CHI3L1: variants seen among roughly 807,000 people sequenced by gnomAD.
CHI3L1 encodes chitinase 3 like 1.
A neutral mutation model predicts 40.7 loss-of-function variants in CHI3L1; 30 were observed. The observed-to-expected ratio is 0.74, with a 90% CI of 0.55 to 1.00. The LOEUF is 1.00. Among genes scored for constraint, CHI3L1 ranks in the 50% least tolerant of loss-of-function variants. CHI3L1 has a pLI of 0.00. For missense variants in CHI3L1, 493 were observed against 492.2 expected (o/e 1.00, Z -0.01); for synonymous variants, 210 against 192.1 (o/e 1.09, Z -0.77).
intron 8 of CHI3L1, chr1:203,180,131 G>T: frequency 1.7e-6 from 1 of 573,990 alleles, no homozygotes; most frequent in South Asian, 2.1e-5. Context: ...GGTTGACACT[G>T]AGGACAGGCC....
At chr1:203,186,544 G>A (rs1272350670) in intron 1 of CHI3L1, 55 bp downstream of exon 1, 6 of 1,610,528 alleles carry the variant, frequency 3.7e-6, no homozygotes, top group Admixed American at 3.3e-5. Context: ...TCTGCGGGCT[G>A]TCTGGGCCTG....
At chr1:203,184,547 C>T (rs201823056) in intron 4 of CHI3L1, 29 bp downstream of exon 4, 349 of 1,591,970 alleles carry the variant, frequency 2.2e-4, no homozygotes, top group Non-Finnish European at 2.8e-4. Flanking sequence ...TCATCCTCTG[C>T]CGTCCTGCCC....
At chr1:203,185,089 G>T in intron 3 of CHI3L1, 95 bp downstream of exon 3, 1 of 990,706 alleles carries the variant, frequency 1.0e-6, no homozygotes, top group Non-Finnish European at 1.6e-6. Context: ...ACATAGGTGA[G>T]CAGGGTGGGG....
In CHI3L1 at chr1:203,179,484, A is replaced by G. The variant is rs1655881252; in HGVS notation, c.1113T>C (p.Pro371=). 2 of 1,561,890 alleles carry G rather than the reference A, an allele frequency of 1.3e-6. No individual in the cohort carries two copies. The highest frequency in any genetic ancestry group is 1.7e-6 in the Non-Finnish European group (2 of 1,152,766). Residue 371 remains proline, a synonymous_variant, in exon 10 of 10, where the codon CCT becomes CCC. Transcript: ENST00000255409. ...GTGCATCCTTGATGGCATTGGTGAGAGGGAAGCGCAGATCCTGGCCACAGA... is the reference window on the plus strand; with the variant it reads ...GTGCATCCTTGATGGCATTGGTGAGGGGGAAGCGCAGATCCTGGCCACAGA... ...GSFCGQDLRF[P]LTNAIKDALA...
At chr1:203,180,375 C>T (rs1655907986) in intron 8 of CHI3L1, 95 bp downstream of exon 8, 1 of 1,191,818 alleles carries the variant, frequency 8.4e-7, no homozygotes. Context: ...TTTCTTTATT[C>T]CCAAAGGAGA....
chr1:203,185,524 T>C (rs111652362), intron 2 of CHI3L1, 139 bp from the exon 3 acceptor site: 2 of 689,472 alleles, frequency 2.9e-6, no homozygotes, highest in African/African-American at 1.8e-5. Context: ...TCAGAATTCT[T>C]AAATGAAAGG....
rs764778624 is a variant in CHI3L1, at chr1:203,180,620, C to T, written c.744G>A (p.Gly248=). 6 of 1,612,346 alleles carry T rather than the reference C, an allele frequency of 3.7e-6. No homozygotes were observed. The highest frequency in any genetic ancestry group is 2.2e-5 in the East Asian group (1 of 44,772). Residue 248 remains glycine, a synonymous_variant, in exon 8 of 10, where the codon GGG becomes GGA. Coordinates refer to ENST00000255409, the MANE Select transcript of CHI3L1 (RefSeq NM_001276.4). ...DYAVGYMLRL[G]APASKLVMGI... The stretch of plus-strand genomic sequence containing the variant: ...CCATCACCAGCTTACTGGCAGGAGC[C>T]CCCAGCCTCAACATGTACCCCACAG...
Position 203,184,626 on chromosome 1 carries a change from G to C in CHI3L1, c.264C>G (p.Pro88=). ...CGACAGACAAGAGAGTCTTCAGGTTGGGGTTCCTGTGGAGCACAGGGAGGT... is the reference window on the plus strand; with the variant it reads ...CGACAGACAAGAGAGTCTTCAGGTTCGGGTTCCTGTGGAGCACAGGGAGGT... ...GMLNTLKNRN[P]NLKTLLSVGG... is the part of the protein sequence containing the mutation. The change falls in exon 4 of 10, where the codon CCC becomes CCG. Residue 88 remains proline (P), a synonymous_variant. Transcript: ENST00000255409. The C allele has an allele frequency of 6.2e-7, 1 of 1,614,016 alleles. No homozygotes were observed. The highest frequency in any genetic ancestry group is 8.5e-7 in the Non-Finnish European group (1 of 1,179,894).
In CHI3L1 at chr1:203,183,760, G is replaced by A. The variant is rs199779694; in HGVS notation, c.346C>T (p.Arg116Cys). 2.4e-5 allele frequency: 39 copies of A among 1,614,086 alleles called. No individual in the cohort carries two copies. The highest frequency in any genetic ancestry group is 1.6e-4 in the Middle Eastern group (1 of 6,084). Residue 116 changes from arginine to cysteine, a missense_variant, in exon 5 of 10, where the codon CGC becomes TGC. By Grantham distance (180) the Arg-to-Cys change is radical. Transcript: ENST00000255409. ...GGTACTGACTTGATGAAAGTCCGGC[G>A]ACTCTGGGTGTTGGAGGCTATCTTG... ...FSKIASNTQS[R>C]RTFIKSVPPF...
intron 8 of CHI3L1, chr1:203,180,095 A>C: frequency 1.7e-6 from 1 of 588,136 alleles, no homozygotes; most frequent in South Asian, 2.0e-5. Context: ...AGCTTCTTCC[A>C]TTTAAACAGA....
chr1:203,179,394 C>T lies in CHI3L1; in HGVS notation c.*51G>A, dbSNP rs745661413. On this transcript the variant is annotated 3_prime_UTR_variant, in exon 10 of 10. Transcript: ENST00000255409. ...GATCAGGCTCCCGGCCAGCTGGAGC[C>T]AGAGGGGGACGGGGCATCCTTGGCC... is the stretch of plus-strand genomic sequence containing the variant. 10 of 1,486,762 alleles carry T rather than the reference C, an allele frequency of 6.7e-6. No homozygotes were observed. Among genetic ancestry groups the T allele is most frequent in the African/African-American group, 1.4e-5 (1 of 71,026 alleles). 92.1% of individuals were successfully genotyped at this position (1,486,762 alleles called of 1,614,324 possible).
At chr1:203,183,143 T>G (rs1221124872) in intron 5 of CHI3L1, among the ~76,000 whole-genome samples, 2 of 152,218 alleles carry the variant, frequency 1.3e-5, no homozygotes, top group Non-Finnish European at 2.9e-5. Flanking sequence ...GGCCCACAGA[T>G]GACTTTGGGA....
chr1:203,180,554 A>T lies in CHI3L1; in HGVS notation c.810T>A (p.Ser270=). 1 of 1,611,050 alleles carries T rather than the reference A, an allele frequency of 6.2e-7. No homozygotes were observed. Among genetic ancestry groups the T allele is most frequent in the Non-Finnish European group, 8.5e-7 (1 of 1,179,118 alleles). ...TFGRSFTLAS[S]ETGVGAPISG... is the part of the protein sequence containing the mutation. Reference sequence around the variant, plus strand: ...AGATTGGGGCTCCAACACCAGTCTCAGAAGAAGCCAGAGTGAAGCTCCTCC... The same window carrying T: ...AGATTGGGGCTCCAACACCAGTCTCTGAAGAAGCCAGAGTGAAGCTCCTCC... Residue 270 remains serine (S), a synonymous_variant, in exon 8 of 10, where the codon TCT becomes TCA. Coordinates refer to ENST00000255409, the MANE Select transcript of CHI3L1 (RefSeq NM_001276.4).
rs147953761 is a variant in CHI3L1, at chr1:203,181,236, G to T, written c.637C>A (p.Arg213Ser). The T allele has an allele frequency of 1.2e-6, 2 of 1,613,864 alleles. No individual in the cohort carries two copies. The highest frequency in any genetic ancestry group is 1.7e-6 in the Non-Finnish European group (2 of 1,179,912). Residue 213 changes from arginine to serine, a missense_variant, in exon 7 of 10, where the codon CGT (arginine) becomes AGT (serine). By Grantham distance (110) the Arg-to-Ser change is moderately radical (BLOSUM62 -1). Coordinates refer to ENST00000255409, the MANE Select transcript of CHI3L1 (RefSeq NM_001276.4). The part of the protein sequence containing the change: ...IMTYDFHGAW[R>S]GTTGHHSPLF... ...GGACTGTGATGGCCTGTGGTCCCAC[G>T]CCAGGCTCCATGAAAATCGTAGGTC...
rs114478844 is a variant in CHI3L1 at position 203,185,251 on chromosome 1, C to T, written c.190G>A (p.Asp64Asn). 6.0e-4 allele frequency: 968 copies of T among 1,614,126 alleles called. 7 individuals are homozygous for T. In the African/African-American group the frequency reaches 6.2e-3, roughly 10 times the overall value. Residue 64 changes from aspartate to asparagine, a missense_variant, in exon 3 of 10, where the codon GAT becomes AAT. Transcript: ENST00000255409. ...TTCCACTCCCAGGTGTCGATGTGAT[C>T]GTTGCTTATATTGGCAAAGCTGTAG... The part of the protein sequence containing the change: ...IIYSFANISN[D>N]HIDTWEWNDV...
chr1:203,183,734 C>T lies in CHI3L1; in HGVS notation c.372G>A (p.Pro124=), dbSNP rs756775296. Residue 124 remains proline (P), a synonymous_variant, in exon 5 of 10, where the codon CCG becomes CCA. Coordinates refer to ENST00000255409, the MANE Select transcript of CHI3L1 (RefSeq NM_001276.4). ...CAAAGCCATGGGTGCGCAGAAATGG[C>T]GGTACTGACTTGATGAAAGTCCGGC... ...QSRRTFIKSV[P]PFLRTHGFDG... is the part of the protein sequence containing the mutation. The T allele has an allele frequency of 8.7e-6, 14 of 1,614,184 alleles. No homozygotes were observed. The highest frequency in any genetic ancestry group is 3.3e-5 in the Admixed American group (2 of 60,030).
chr1:203,179,890 CAG>C lies in CHI3L1; in HGVS notation c.895-15_895-14del. On this transcript the variant is annotated splice_polypyrimidine_tract_variant and intron_variant, in intron 8 of 9. Transcript: ENST00000255409. ...GGAAGTCACAGATCTGAGCAGATAACAGGGAAAAGGCAGTGTGGGGAGTCGTG... is the reference window on the plus strand; with the variant it reads ...GGAAGTCACAGATCTGAGCAGATAACGGAAAAGGCAGTGTGGGGAGTCGTG... 1 of 1,613,036 alleles carries C rather than the reference CAG, an allele frequency of 6.2e-7. No individual in the cohort carries two copies. Among genetic ancestry groups the C allele is most frequent in the Non-Finnish European group, 8.5e-7 (1 of 1,179,116 alleles).
chr1:203,182,611 A>G, intron 6 of CHI3L1, 120 bp downstream of exon 6: 1 of 1,152,956 alleles, frequency 8.7e-7, no homozygotes, highest in Non-Finnish European at 1.3e-6. Flanking sequence ...AAGGCTTTGG[A>G]AGAACTGGGA....
Position 203,181,184 on chromosome 1 carries a change from C to T in CHI3L1, c.689G>A (p.Ser230Asn), listed in dbSNP as rs144986782. 137 of 1,614,078 alleles carry T rather than the reference C, an allele frequency of 8.5e-5. 1 individual carries two copies. The highest frequency in any genetic ancestry group is 3.3e-4 in the Middle Eastern group (2 of 6,084). ...CACAGTGTTGCTGAATCTGTCAGGA[C>T]TTGCATCCTCCTGACCTCGGAACAG... The part of the protein sequence containing the change: ...SPLFRGQEDA[S>N]PDRFSNTDYA... The change falls in exon 7 of 10, where the codon AGT becomes AAT. Residue 230 changes from serine (S) to asparagine (N), a missense_variant. Ser to Asn is a conservative substitution (Grantham distance 46). Coordinates refer to ENST00000255409, the MANE Select transcript of CHI3L1 (RefSeq NM_001276.4).
Sources: gnomAD v4.1 joint callset for allele counts (sites outside exome capture counted in the v4.1 genomes callset) on GRCh38, gnomAD v4.1.1 for gene constraint, MANE v1.5 for transcripts, NCBI Gene and HGNC (gene_info 2026-07-23, HGNC 2026-07-21) for gene names.